Variants in WDFY4 observed in about 807,000 individuals in gnomAD.
The protein encoded by WDFY4 is WD repeat- and FYVE domain-containing protein 4.
In WDFY4, 169 loss-of-function variants were observed where a neutral mutation model predicts 351.9. The observed-to-expected ratio is 0.48, with a 90% CI of 0.42 to 0.55. The LOEUF (loss-of-function observed/expected upper bound fraction) is 0.55. WDFY4 is among the 20% of genes least tolerant of loss of function. WDFY4 has a pLI of 0.00. For missense variants in WDFY4, 3,803 were observed against 3,935.6 expected (o/e 0.97, Z 0.90); for synonymous variants, 1,622 against 1,574.6 (o/e 1.03, Z -0.71).
At chr10:48,906,993 G>C (rs1460499832) in intron 47 of WDFY4, among the ~76,000 whole-genome samples, 4 of 151,404 alleles carry the variant, frequency 2.6e-5, no homozygotes, top group African/African-American at 2.4e-5. Flanking sequence ...TATCAAATTT[G>C]GTTCTTCTCT....
chr10:48,690,227 A>G (rs1050425526), intron 1 of WDFY4, among the ~76,000 whole-genome samples: 1 of 152,242 alleles, frequency 6.6e-6, no homozygotes, highest in Non-Finnish European at 1.5e-5. Context: ...GTGAGAGTCA[A>G]TTATGGGTGA....
chr10:48,769,087 A>G (rs2065775493), intron 13 of WDFY4, among the ~76,000 whole-genome samples: 1 of 152,224 alleles, frequency 6.6e-6, no homozygotes, highest in Non-Finnish European at 1.5e-5. Context: ...CACCATCTGC[A>G]TGTAATTTGG....
chr10:48,932,616 G>A (rs1219539534), intron 47 of WDFY4: 3 of 150,768 alleles, frequency 2.0e-5, no homozygotes, highest in Admixed American at 1.3e-4. Flanking sequence ...TGTGTTTCTC[G>A]TGAAGCTACC....
intron 43 of WDFY4, among the ~76,000 whole-genome samples, chr10:48,879,304 T>C (rs946213907): frequency 6.6e-6 from 1 of 152,180 alleles, no homozygotes; most frequent in Non-Finnish European, 1.5e-5. Context: ...TGGTGTCTAG[T>C]GGGCAGAGGC....
At chr10:48,737,303 C>G (rs1044032247) in intron 11 of WDFY4, among the ~76,000 whole-genome samples, 1 of 152,020 alleles carries the variant, frequency 6.6e-6, no homozygotes, top group African/African-American at 2.4e-5. Flanking sequence ...GGCCACCGTG[C>G]CTGGCCAACA....
intron 13 of WDFY4, among the ~76,000 whole-genome samples, chr10:48,763,187 T>G (rs2065564209): frequency 6.6e-6 from 1 of 152,238 alleles, no homozygotes; most frequent in Admixed American, 6.5e-5. Flanking sequence ...TTCTCCAATC[T>G]TCACAGCAAC....
chr10:48,820,797 G>A (rs12264889), intron 33 of WDFY4, among the ~76,000 whole-genome samples: 26,729 of 152,058 alleles, frequency 0.18, 2,977 homozygotes, highest in African/African-American at 0.31. Flanking sequence ...TGCCTCCCAG[G>A]GCCGGCCCCA....
intron 14 of WDFY4, 126 bp from the exon 15 acceptor site, chr10:48,775,586 A>G: frequency 2.4e-6 from 2 of 838,174 alleles, no homozygotes; most frequent in Non-Finnish European, 3.8e-6. Flanking sequence ...GCTTTCAGAA[A>G]GGGTGTTCCA....
At chr10:48,755,922 G>A (rs1230110460) in intron 12 of WDFY4, among the ~76,000 whole-genome samples, 1 of 152,032 alleles carries the variant, frequency 6.6e-6, no homozygotes, top group African/African-American at 2.4e-5. Flanking sequence ...ATGTTCATTA[G>A]GGATACTGAC....
chr10:48,833,189 G>GAA (rs2068257492), intron 39 of WDFY4, among the ~76,000 whole-genome samples: 5 of 151,786 alleles, frequency 3.3e-5, no homozygotes, highest in African/African-American at 1.2e-4. Flanking sequence ...GAGAGAGAGA[G>GAA]AGAGAGAGAT....
chr10:48,874,648 CA>C (rs899649394), intron 41 of WDFY4, among the ~76,000 whole-genome samples: 2 of 148,042 alleles, frequency 1.4e-5, no homozygotes, highest in Admixed American at 1.3e-4. Flanking sequence ...GAATAGGAAG[CA>C]AAAAAAAATA....
chr10:48,721,241 C>T lies in WDFY4; in HGVS notation c.350-20C>T. On this transcript the variant is annotated intron_variant, in intron 3 of 61. Transcript: ENST00000325239. ...AGTGGGCAGGTCGCTGTATGCCCTGCTGGTGACACTTTCTTCCAGAGCAAG... is the reference window on the plus strand; with the variant it reads ...AGTGGGCAGGTCGCTGTATGCCCTGTTGGTGACACTTTCTTCCAGAGCAAG... 1 of 1,550,944 alleles carries T rather than the reference C, an allele frequency of 6.4e-7. No individual in the cohort carries two copies. Among genetic ancestry groups the T allele is most frequent in the Non-Finnish European group, 8.7e-7 (1 of 1,146,320 alleles).
At chr10:48,851,758 G>A (rs76866611) in intron 39 of WDFY4, among the ~76,000 whole-genome samples, 8,239 of 152,308 alleles carry the variant, frequency 0.054, 771 homozygotes, top group African/African-American at 0.19. Flanking sequence ...CCAGCAGCTG[G>A]CCAGCCCTAG....
intron 23 of WDFY4, among the ~76,000 whole-genome samples, chr10:48,794,133 G>GC (rs2066774643): frequency 6.6e-6 from 1 of 152,192 alleles, no homozygotes; most frequent in Non-Finnish European, 1.5e-5. Context: ...CGTAGGTTCT[G>GC]CCTCACAGGT....
intron 23 of WDFY4, among the ~76,000 whole-genome samples, chr10:48,794,815 C>G (rs1315532139): frequency 6.6e-6 from 1 of 152,132 alleles, no homozygotes; most frequent in African/African-American, 2.4e-5. Context: ...CTGGAAGTCC[C>G]TGGTGGCCTT....
chr10:48,979,384 G>A (rs1250212517), intron 60 of WDFY4, among the ~76,000 whole-genome samples: 1 of 152,196 alleles, frequency 6.6e-6, no homozygotes, highest in African/African-American at 2.4e-5. Flanking sequence ...TCCCCAGCCT[G>A]CTTACAAAGC....
chr10:48,922,363 G>T (rs1012199513), intron 47 of WDFY4, among the ~76,000 whole-genome samples: 1 of 152,186 alleles, frequency 6.6e-6, no homozygotes, highest in Non-Finnish European at 1.5e-5. Context: ...GATGCTGGTA[G>T]TTCAGATATG....
At chr10:48,829,652 C>T (rs1589707690) in intron 37 of WDFY4, among the ~76,000 whole-genome samples, 1 of 152,168 alleles carries the variant, frequency 6.6e-6, no homozygotes, top group South Asian at 2.1e-4. Context: ...GAGTTCAAGA[C>T]CAGCCTGCCC....
chr10:48,824,442 T>A (rs963668168), intron 35 of WDFY4, among the ~76,000 whole-genome samples: 4 of 152,272 alleles, frequency 2.6e-5, no homozygotes, highest in Non-Finnish European at 5.9e-5. Context: ...TTCTCATACA[T>A]TGAATGTCAA....
Sources: gnomAD v4.1 joint callset for allele counts (sites outside exome capture counted in the v4.1 genomes callset) on GRCh38, gnomAD v4.1.1 for gene constraint, MANE v1.5 for transcripts, NCBI Gene and HGNC (gene_info 2026-07-23, HGNC 2026-07-21) for gene names.